SLF1: variants seen among roughly 807,000 people sequenced by gnomAD.
The protein encoded by SLF1 is SMC5/6 complex localization factor 1, also known as SMC5-SMC6 complex localization factor protein 1.
A neutral mutation model predicts 123.0 loss-of-function variants in SLF1; 105 were observed. The ratio of observed to expected loss-of-function variants is 0.85; its 90% confidence interval spans 0.73 to 1.00. The LOEUF (loss-of-function observed/expected upper bound fraction) is 1.00. SLF1 is among the 50% of genes least tolerant of loss of function. The probability of loss-of-function intolerance (pLI) is 0.00; values close to 1 mark genes in which losing one functional copy is unlikely to be tolerated. For synonymous variants in SLF1, 434 were observed against 406.6 expected, an observed-to-expected ratio of 1.07 and a Z score of -0.81; for missense variants, 1,239 against 1,223.0, an observed-to-expected ratio of 1.01 and a Z score of -0.20.
chr5:94,654,832 TATAC>T (rs1748186880), intron 9 of SLF1, 80 bp downstream of exon 9: 1 of 1,027,082 alleles, frequency 9.7e-7, no homozygotes, highest in African/African-American at 1.7e-5. Flanking sequence ...TATATACATA[TATAC>T]ATATGATTCA....
chr5:94,647,009 A>C (rs1747142966), intron 5 of SLF1, among the ~76,000 whole-genome samples: 1 of 152,092 alleles, frequency 6.6e-6, no homozygotes, highest in African/African-American at 2.4e-5. Flanking sequence ...TTTGAGGTAA[A>C]ATGAGGGTAA....
intron 4 of SLF1, among the ~76,000 whole-genome samples, chr5:94,634,413 T>C (rs1398706136): frequency 6.6e-6 from 1 of 152,206 alleles, no homozygotes; most frequent in African/African-American, 2.4e-5. Context: ...GACTTTCACA[T>C]ATAAGTTAAA....
chr5:94,621,084 T>G (rs1346448619), intron 1 of SLF1, among the ~76,000 whole-genome samples: 2 of 152,222 alleles, frequency 1.3e-5, no homozygotes, highest in Non-Finnish European at 2.9e-5. Context: ...TATGTTTAAA[T>G]TTTTTCAGTG....
intron 18 of SLF1, among the ~76,000 whole-genome samples, chr5:94,690,768 T>C (rs752766198): frequency 1.6e-4 from 24 of 152,284 alleles, no homozygotes; most frequent in Non-Finnish European, 2.8e-4. Flanking sequence ...TAATCACTTA[T>C]ATCTTATTAA....
At chr5:94,632,162 C>T (rs999876873) in intron 4 of SLF1, among the ~76,000 whole-genome samples, 1 of 151,970 alleles carries the variant, frequency 6.6e-6, no homozygotes, top group African/African-American at 2.4e-5. Context: ...GTTCCTGTTG[C>T]TCTGAAGTTA....
chr5:94,622,450 T>G (rs1448393641), intron 1 of SLF1, among the ~76,000 whole-genome samples: 2 of 152,088 alleles, frequency 1.3e-5, no homozygotes, highest in African/African-American at 2.4e-5. Context: ...CATGGAAAAA[T>G]GATCACAATA....
At chr5:94,647,301 C>T (rs908865434) in intron 5 of SLF1, among the ~76,000 whole-genome samples, 3 of 152,222 alleles carry the variant, frequency 2.0e-5, no homozygotes, top group African/African-American at 7.2e-5. Flanking sequence ...ACTCAAAGGA[C>T]TGCCTTTCTT....
intron 11 of SLF1, among the ~76,000 whole-genome samples, chr5:94,664,238 C>G (rs1749484661): frequency 6.6e-6 from 1 of 152,116 alleles, no homozygotes; most frequent in Admixed American, 6.5e-5. Flanking sequence ...GTAAATTACT[C>G]CATTAGTACA....
intron 4 of SLF1, among the ~76,000 whole-genome samples, chr5:94,632,284 T>C (rs990790550): frequency 1.9e-4 from 29 of 152,274 alleles, no homozygotes; most frequent in African/African-American, 6.7e-4. Context: ...CTACACTGTT[T>C]TGGTTACTGT....
chr5:94,634,172 GC>G (rs1745503152), intron 4 of SLF1, among the ~76,000 whole-genome samples: 2 of 152,168 alleles, frequency 1.3e-5, no homozygotes, highest in South Asian at 4.1e-4. Context: ...AGTCCTATCA[GC>G]TTTTGCTTTA....
At chr5:94,669,597 C>T (rs898469046) in intron 12 of SLF1, among the ~76,000 whole-genome samples, 2 of 151,846 alleles carry the variant, frequency 1.3e-5, no homozygotes, top group African/African-American at 4.8e-5. Context: ...GTATACAAGC[C>T]ACATTTCAAG....
Position 94,695,302 on chromosome 5 carries a change from A to G in SLF1, c.3167A>G (p.Glu1056Gly). The change falls in exon 21 of 21, where the codon GAG becomes GGG. Residue 1056 changes from glutamate (E) to glycine (G), a missense_variant. Coordinates refer to ENST00000265140, the MANE Select transcript of SLF1 (RefSeq NM_032290.4). Reference sequence around the variant, plus strand: ...GAAATGATGTGTCGGTCAGTCATGGAGTTTTCATGATGATGCTAGAAAGTA... The same window carrying G: ...GAAATGATGTGTCGGTCAGTCATGGGGTTTTCATGATGATGCTAGAAAGTA... Reference protein sequence around the residue: ...TLEMMCRSVMEFS With the variant: ...TLEMMCRSVMGFS The G allele has an allele frequency of 1.2e-6, 2 of 1,604,436 alleles. No individual in the cohort carries two copies. The highest frequency in any genetic ancestry group is 1.7e-6 in the Non-Finnish European group (2 of 1,174,608).
intron 11 of SLF1, among the ~76,000 whole-genome samples, chr5:94,664,827 G>A (rs535759992): frequency 2.6e-5 from 4 of 152,264 alleles, no homozygotes; most frequent in Admixed American, 6.5e-5. Context: ...TTGGTTTCAG[G>A]ACCTTTGTGG....
At chr5:94,658,356 A>G (rs1002432420) in intron 9 of SLF1, among the ~76,000 whole-genome samples, 2 of 151,368 alleles carry the variant, frequency 1.3e-5, no homozygotes, top group Non-Finnish European at 3.0e-5. Flanking sequence ...CTTGTCCAGG[A>G]AATACTTTAT....
Position 94,649,577 on chromosome 5 carries a change from G to C in SLF1, c.718G>C (p.Glu240Gln). ...TCTTGAAATGAAAGGTGCCTTAAGA[G>C]AGACCATGTATAGAACCCAGGTAAA... ...GFLEMKGALRETMYRTQKEMQ... is the reference protein window; with the variant it reads ...GFLEMKGALRQTMYRTQKEMQ... Residue 240 changes from glutamate to glutamine, a missense_variant, in exon 6 of 21, where the codon GAG becomes CAG. Physicochemically the swap from Glu to Gln is conservative, Grantham distance 29. Coordinates refer to ENST00000265140, the MANE Select transcript of SLF1 (RefSeq NM_032290.4). 1.3e-6 allele frequency: 2 copies of C among 1,526,218 alleles called. No individual in the cohort carries two copies. Among genetic ancestry groups the C allele is most frequent in the Non-Finnish European group, 1.8e-6 (2 of 1,130,150 alleles). The allele number at this position is 1,526,218 out of a possible 1,614,324, so 94.5% of individuals were successfully genotyped here. A position where few individuals can be genotyped will look rare whatever the true frequency, so the allele number is the denominator to read the frequency against.
Position 94,639,599 on chromosome 5 carries a change from A to G in SLF1, c.432-3674A>G, listed in dbSNP as rs114052812. On this transcript the variant is annotated intron_variant, in intron 4 of 20. Coordinates refer to ENST00000265140, the MANE Select transcript of SLF1 (RefSeq NM_032290.4). The stretch of plus-strand genomic sequence containing the variant: ...GGAGTGCTGACCCCCTGTGCAGTTG[A>G]AAATTCATGTATAACTTGACTCCCC... Among the ~76,000 whole-genome samples, 1,364 of 152,314 alleles carry G rather than the reference A, an allele frequency of 9.0e-3. 10 individuals carry two copies. The highest frequency in any genetic ancestry group is 0.016 in the Non-Finnish European group (1,058 of 68,028).
chr5:94,669,021 A>T (rs934303861), intron 12 of SLF1, among the ~76,000 whole-genome samples: 1 of 152,196 alleles, frequency 6.6e-6, no homozygotes, highest in Non-Finnish European at 1.5e-5. Flanking sequence ...TTGATGCTGT[A>T]GGTGATAGAT....
chr5:94,658,779 A>G (rs1233035291), intron 9 of SLF1, among the ~76,000 whole-genome samples: 1 of 151,850 alleles, frequency 6.6e-6, no homozygotes, highest in Non-Finnish European at 1.5e-5. Flanking sequence ...GGAATATTTC[A>G]TTACTTTATG....
intron 4 of SLF1, among the ~76,000 whole-genome samples, chr5:94,631,645 T>C (rs1745207381): frequency 6.6e-6 from 1 of 152,238 alleles, no homozygotes; most frequent in African/African-American, 2.4e-5. Flanking sequence ...AGTCTGTTTA[T>C]TCACATATTG....
Sources: allele counts gnomAD v4.1 joint callset (sites outside exome capture counted in the v4.1 genomes callset), GRCh38; gene constraint gnomAD v4.1.1; transcripts MANE v1.5; gene names NCBI Gene and HGNC (gene_info 2026-07-23, HGNC 2026-07-21).